Variants in FYN observed in about 807,000 individuals in gnomAD.
FYN encodes FYN proto-oncogene, Src family tyrosine kinase.
In FYN, 10 loss-of-function variants were observed where a neutral mutation model predicts 70.2. The ratio of observed to expected loss-of-function variants is 0.14; its 90% CI spans 0.09 to 0.24. The LOEUF is 0.24. Ranked by LOEUF, FYN falls within the 10% of genes least tolerant of loss-of-function variation. FYN has a pLI of 1.00. For missense variants in FYN, 319 were observed against 673.1 expected (o/e 0.47, Z 5.82); for synonymous variants, 236 against 248.6 (o/e 0.95, Z 0.48).
chr6:111,688,537 C>T (rs9487705), intron 12 of FYN, among the ~76,000 whole-genome samples: 34 of 152,330 alleles, frequency 2.2e-4, no homozygotes, highest in African/African-American at 7.7e-4. Context: ...GGGCCCGCTG[C>T]TAGTCTTTAA....
At chr6:111,703,777 C>T (rs1369120540) in intron 7 of FYN, among the ~76,000 whole-genome samples, 1 of 152,076 alleles carries the variant, frequency 6.6e-6, no homozygotes, top group Non-Finnish European at 1.5e-5. Context: ...TGCATCCAGC[C>T]CGTTTCAGGA....
intron 3 of FYN, among the ~76,000 whole-genome samples, chr6:111,746,995 A>T (rs1802254899): frequency 6.6e-6 from 1 of 152,224 alleles, no homozygotes; most frequent in African/African-American, 2.4e-5. Context: ...TTATGTACTC[A>T]ATATAAATGG....
At chr6:111,767,826 G>A (rs1253621398) in intron 3 of FYN, among the ~76,000 whole-genome samples, 2 of 152,218 alleles carry the variant, frequency 1.3e-5, no homozygotes, top group African/African-American at 4.8e-5. Flanking sequence ...TGCCAGCACT[G>A]AGACCTGTGC....
At chr6:111,754,966 C>CT (rs1802658528) in intron 3 of FYN, among the ~76,000 whole-genome samples, 1 of 122,548 alleles carries the variant, frequency 8.2e-6, no homozygotes, top group Non-Finnish European at 1.7e-5. Flanking sequence ...AAAATTTAAG[C>CT]TGTTTTTTTT....
intron 2 of FYN, among the ~76,000 whole-genome samples, chr6:111,842,399 T>G (rs1268516604): frequency 6.6e-6 from 1 of 152,156 alleles, no homozygotes; most frequent in Non-Finnish European, 1.5e-5. Flanking sequence ...CAGGAAGCAA[T>G]GGCTCCCACA....
chr6:111,859,999 G>A lies in FYN; in HGVS notation c.-123+12969C>T, dbSNP rs183914203. Among the ~76,000 whole-genome samples, 3 of 152,276 alleles carry A rather than the reference G, an allele frequency of 2.0e-5. No homozygotes were observed. In the East Asian group the frequency reaches 5.8e-4, roughly 29 times the overall value. On this transcript the variant is annotated intron_variant, in intron 1 of 13. Transcript: ENST00000354650. ...AATACCCTGTGAAGATGGAGGCAGA[G>A]ATTGTAGTGACATGCCTACAAAGCC...
intron 1 of FYN, among the ~76,000 whole-genome samples, chr6:111,854,103 C>A (rs772090415): frequency 9.2e-5 from 14 of 152,288 alleles, no homozygotes; most frequent in Non-Finnish European, 2.1e-4. Context: ...ACTTCATAAA[C>A]CAAGTGTTAT....
rs76757898 is a variant in FYN at position 111,822,946 on chromosome 6, C to G, written c.-82+23643G>C. The stretch of plus-strand genomic sequence containing the variant: ...TTTCCACATGGCTGCTACAGTGGAA[C>G]AGCAGCAGTGGAAATACAACTGCAG... On this transcript the variant is annotated intron_variant, in intron 2 of 13. Coordinates refer to ENST00000354650, the MANE Select transcript of FYN (RefSeq NM_002037.5). Among the ~76,000 whole-genome samples the G allele has an allele frequency of 4.2e-3, 636 of 152,244 alleles. 8 individuals are homozygous for G. The highest frequency in any genetic ancestry group is 0.015 in the African/African-American group (620 of 41,536).
intron 3 of FYN, among the ~76,000 whole-genome samples, chr6:111,723,742 A>C (rs1465764745): frequency 6.6e-6 from 1 of 152,230 alleles, no homozygotes; most frequent in East Asian, 1.9e-4. Context: ...CTAAAATAAA[A>C]GTATCCTTTA....
intron 7 of FYN, 82 bp downstream of exon 7, chr6:111,703,917 A>G (rs995996363): frequency 9.4e-7 from 1 of 1,067,374 alleles, no homozygotes; most frequent in Non-Finnish European, 1.4e-6. Flanking sequence ...AAATCCTTGT[A>G]CATTAGAGAT....
At chr6:111,709,942 T>C (rs1168508279) in intron 5 of FYN, among the ~76,000 whole-genome samples, 1 of 152,226 alleles carries the variant, frequency 6.6e-6, no homozygotes, top group Non-Finnish European at 1.5e-5. Context: ...AAGGATATCA[T>C]CTAAGAACAT....
intron 2 of FYN, among the ~76,000 whole-genome samples, chr6:111,797,711 TAC>T (rs1335738031): frequency 3.1e-4 from 31 of 101,302 alleles, no homozygotes; most frequent in Non-Finnish European, 5.8e-4. Context: ...TATATATATA[TAC>T]ACACACACAC....
At chr6:111,837,528 C>A (rs1773225688) in intron 2 of FYN, among the ~76,000 whole-genome samples, 1 of 152,136 alleles carries the variant, frequency 6.6e-6, no homozygotes, top group African/African-American at 2.4e-5. Flanking sequence ...TGAATCCACT[C>A]GACGTCAAAG....
At chr6:111,754,718 G>A (rs1424380646) in intron 3 of FYN, 1 of 151,600 alleles carries the variant, frequency 6.6e-6, no homozygotes, top group Non-Finnish European at 1.5e-5. Flanking sequence ...AGTTGGTTTT[G>A]GCCTTAATAT....
At chr6:111,772,843 AT>A (rs1803503399) in intron 3 of FYN, among the ~76,000 whole-genome samples, 1 of 64,580 alleles carries the variant, frequency 1.5e-5, no homozygotes, top group African/African-American at 6.3e-5. Flanking sequence ...TCAGTTACAG[AT>A]TTTGGGGTGG....
chr6:111,815,356 T>C (rs1772452944), intron 2 of FYN, among the ~76,000 whole-genome samples: 2 of 152,212 alleles, frequency 1.3e-5, no homozygotes, highest in African/African-American at 4.8e-5. Context: ...ATTTGAACAA[T>C]GAATTAGGAG....
intron 1 of FYN, among the ~76,000 whole-genome samples, chr6:111,862,267 A>C (rs1335190514): frequency 6.6e-6 from 1 of 152,210 alleles, no homozygotes. Flanking sequence ...CAAAGGAGTA[A>C]CTATTTCCCC....
chr6:111,670,297 A>T (rs1392734993), intron 13 of FYN, among the ~76,000 whole-genome samples: 2 of 152,046 alleles, frequency 1.3e-5, no homozygotes, highest in Non-Finnish European at 2.9e-5. Context: ...CCCCTGATGG[A>T]AGGCTGTGCT....
At chr6:111,738,996 C>T (rs865849154) in intron 3 of FYN, among the ~76,000 whole-genome samples, 1 of 152,296 alleles carries the variant, frequency 6.6e-6, no homozygotes, top group South Asian at 2.1e-4. Context: ...CACTTCCATG[C>T]ATTCCTCCTG....
Sources: allele counts gnomAD v4.1 joint callset (sites outside exome capture counted in the v4.1 genomes callset), GRCh38; gene constraint gnomAD v4.1.1; transcripts MANE v1.5; gene names NCBI Gene and HGNC (gene_info 2026-07-23, HGNC 2026-07-21).